The following MRTFA variants were observed in gnomAD, a reference collection of about 807,000 sequenced individuals.
MRTFA encodes myocardin-related transcription factor A.
A neutral mutation model predicts 83.5 loss-of-function variants in MRTFA; 20 were observed. The ratio of observed to expected loss-of-function variants is 0.24; its 90% confidence interval spans 0.17 to 0.35. MRTFA has a LOEUF of 0.35. MRTFA is among the 10% of genes least tolerant of loss of function. The pLI, the probability that MRTFA is intolerant of heterozygous loss-of-function variation, is 1.00. For missense variants in MRTFA, 1,200 were observed against 1,224.7 expected (o/e 0.98, Z 0.30); for synonymous variants, 659 against 541.2 (o/e 1.22, Z -3.02).
At chr22:40,440,138 T>A (rs1261442692) in intron 4 of MRTFA, among the ~76,000 whole-genome samples, 1 of 128,432 alleles carries the variant, frequency 7.8e-6, no homozygotes, top group Non-Finnish European at 1.6e-5. Context: ...GGTGACAGAG[T>A]GAGACTCCGT....
At chr22:40,477,248 G>A (rs2147178277) in intron 3 of MRTFA, among the ~76,000 whole-genome samples, 1 of 151,726 alleles carries the variant, frequency 6.6e-6, no homozygotes. Flanking sequence ...TACTCGGGAG[G>A]GTGAGGCAGG....
chr22:40,479,235 G>A (rs1353389454), intron 3 of MRTFA, among the ~76,000 whole-genome samples: 1 of 152,060 alleles, frequency 6.6e-6, no homozygotes, highest in Non-Finnish European at 1.5e-5. Flanking sequence ...ATACAGTAAG[G>A]AGCAGACAAG....
chr22:40,566,277 G>C (rs1250918906), intron 2 of MRTFA, among the ~76,000 whole-genome samples: 1 of 151,178 alleles, frequency 6.6e-6, no homozygotes, highest in Non-Finnish European at 1.5e-5. Context: ...CTGGAGTGCA[G>C]TGGCGTGATC....
chr22:40,608,240 C>A (rs2056342567), intron 1 of MRTFA, among the ~76,000 whole-genome samples: 1 of 152,106 alleles, frequency 6.6e-6, no homozygotes, highest in Non-Finnish European at 1.5e-5. Context: ...GTCTCAAACT[C>A]CCGACCTCAG....
intron 4 of MRTFA, among the ~76,000 whole-genome samples, chr22:40,462,993 A>C (rs1218972136): frequency 6.6e-6 from 1 of 152,232 alleles, no homozygotes; most frequent in Non-Finnish European, 1.5e-5. Context: ...ACCTAATTTA[A>C]ACCAGGTTTG....
At chr22:40,541,836 T>C (rs569905716) in intron 3 of MRTFA, among the ~76,000 whole-genome samples, 24 of 151,988 alleles carry the variant, frequency 1.6e-4, no homozygotes, top group Middle Eastern at 3.4e-3. Flanking sequence ...CCAGCTAAAT[T>C]TTTGTATTTT....
chr22:40,499,251 A>G (rs1241736271), intron 3 of MRTFA, among the ~76,000 whole-genome samples: 2 of 152,230 alleles, frequency 1.3e-5, no homozygotes, highest in Non-Finnish European at 1.5e-5. Context: ...TAAATTAAAT[A>G]AAATCTATCA....
At chr22:40,553,278 G>A (rs533763253) in intron 2 of MRTFA, among the ~76,000 whole-genome samples, 4 of 152,302 alleles carry the variant, frequency 2.6e-5, no homozygotes, top group South Asian at 4.1e-4. Flanking sequence ...ATTTGCATAA[G>A]TAACAAAGAG....
intron 3 of MRTFA, among the ~76,000 whole-genome samples, chr22:40,550,572 ATATCTT>A (rs1338767992): frequency 1.3e-5 from 2 of 152,178 alleles, no homozygotes; most frequent in Non-Finnish European, 2.9e-5. Flanking sequence ...AAAATACAGA[ATATCTT>A]TAACTTACAA....
At chr22:40,448,802 CAT>C (rs1369620840) in intron 4 of MRTFA, among the ~76,000 whole-genome samples, 1 of 152,194 alleles carries the variant, frequency 6.6e-6, no homozygotes, top group Non-Finnish European at 1.5e-5. Context: ...ATTAGTTTCT[CAT>C]ACAGCTTTAG....
At chr22:40,597,555 A>G (rs1346685512) in intron 1 of MRTFA, among the ~76,000 whole-genome samples, 1 of 152,234 alleles carries the variant, frequency 6.6e-6, no homozygotes, top group African/African-American at 2.4e-5. Flanking sequence ...ATGGATAAAG[A>G]AGGTTACAAA....
In MRTFA at chr22:40,418,866, G is replaced by A. The variant is rs1344640569; in HGVS notation, c.1872C>T (p.Asp624=). 6.2e-7 allele frequency: 1 copy of A among 1,612,490 alleles called. No homozygotes were observed. Residue 624 remains aspartate, a synonymous_variant, in exon 12 of 15, where the codon GAC becomes GAT. Coordinates refer to ENST00000355630, the MANE Select transcript of MRTFA (RefSeq NM_020831.6). ...GCTTGTCTTTCTCCTGCAGCATCTG[G>A]TCCTTGTCGCGCCCCTCTAGCTCCG...
chr22:40,605,007 G>T (rs1428116248), intron 1 of MRTFA, among the ~76,000 whole-genome samples: 1 of 152,084 alleles, frequency 6.6e-6, no homozygotes, highest in Non-Finnish European at 1.5e-5. Flanking sequence ...GTTAAATTCT[G>T]AAAAATTAAA....
At chr22:40,480,516 A>G (rs561071875) in intron 3 of MRTFA, among the ~76,000 whole-genome samples, 1 of 152,220 alleles carries the variant, frequency 6.6e-6, no homozygotes, top group African/African-American at 2.4e-5. Context: ...CTAGGGGAAA[A>G]TCCAGGTGAT....
chr22:40,424,464 G>C lies in MRTFA; in HGVS notation c.602-83C>G, dbSNP rs1225197848. 4.4e-5 allele frequency: 63 copies of C among 1,442,346 alleles called. No individual in the cohort carries two copies. The East Asian group carries it at 7.1e-4, about 16-fold the overall frequency. The allele number at this position is 1,442,346 out of a possible 1,614,324, so 89.3% of individuals were successfully genotyped here. ...GACAGGCCTGGCTCGCAGGCCACAG[G>C]CAGAGTGCCTGGCCCACAGCCCACA... On this transcript the variant is annotated intron_variant, in intron 7 of 14. Coordinates refer to ENST00000355630, the MANE Select transcript of MRTFA (RefSeq NM_020831.6).
rs147540785 is a variant in MRTFA at position 40,568,161 on chromosome 22, A to G, written c.-21-15794T>C. On this transcript the variant is annotated intron_variant, in intron 2 of 14. Transcript: ENST00000355630. The stretch of plus-strand genomic sequence containing the variant: ...GCCACAATGAGGAACTCTCAGGACA[A>G]TGCACACACTGATGACAGCACTGTA... Among the ~76,000 whole-genome samples the G allele has an allele frequency of 3.2e-3, 494 of 152,314 alleles. 5 individuals are homozygous for G. The highest frequency in any genetic ancestry group is 0.011 in the African/African-American group (471 of 41,570).
intron 3 of MRTFA, among the ~76,000 whole-genome samples, chr22:40,482,556 G>A (rs569128950): frequency 1.3e-5 from 2 of 152,224 alleles, no homozygotes; most frequent in South Asian, 4.1e-4. Context: ...GCCTGAACAG[G>A]GTGGAGATAA....
chr22:40,493,634 G>A (rs758057171), intron 3 of MRTFA, among the ~76,000 whole-genome samples: 1 of 152,200 alleles, frequency 6.6e-6, no homozygotes, highest in Non-Finnish European at 1.5e-5. Context: ...TTGTTACTTG[G>A]CTACTGTCAG....
intron 4 of MRTFA, among the ~76,000 whole-genome samples, chr22:40,454,645 T>C (rs772280421): frequency 8.5e-5 from 13 of 152,224 alleles, no homozygotes; most frequent in Non-Finnish European, 1.2e-4. Context: ...TAACTAATTC[T>C]GTGAGTAACC....
Sources: gnomAD v4.1 joint callset for allele counts (sites outside exome capture counted in the v4.1 genomes callset) on GRCh38, gnomAD v4.1.1 for gene constraint, MANE v1.5 for transcripts, NCBI Gene and HGNC (gene_info 2026-07-23, HGNC 2026-07-21) for gene names.